Variants in GHR observed in about 807,000 individuals in gnomAD.
The protein encoded by GHR is GH receptor.
GHR carries 35 observed loss-of-function variants against 67.1 expected under a neutral mutation model. The observed-to-expected ratio is 0.52, with a 90% confidence interval of 0.40 to 0.69. GHR has a LOEUF of 0.69. GHR is among the 30% of genes least tolerant of loss of function. GHR has a pLI of 0.00. For missense variants in GHR, 792 were observed against 764.6 expected (o/e 1.04, Z -0.42); for synonymous variants, 272 against 269.1 (o/e 1.01, Z -0.10).
intron 1 of GHR, among the ~76,000 whole-genome samples, chr5:42,476,367 G>A (rs537192526): frequency 9.3e-5 from 14 of 149,790 alleles, no homozygotes; most frequent in Non-Finnish European, 1.2e-4. Flanking sequence ...TTACAGGCAC[G>A]CGCCACCATG....
At chr5:42,617,455 C>T (rs1428857187) in intron 2 of GHR, among the ~76,000 whole-genome samples, 3 of 151,696 alleles carry the variant, frequency 2.0e-5, no homozygotes, top group South Asian at 4.2e-4. Flanking sequence ...AAACTTGAAG[C>T]CCTGGATCTT....
At chr5:42,500,723 C>T (rs1273797909) in intron 1 of GHR, among the ~76,000 whole-genome samples, 1 of 152,164 alleles carries the variant, frequency 6.6e-6, no homozygotes, top group African/African-American at 2.4e-5. Context: ...GCATCACTTA[C>T]TAGCTGGCCT....
chr5:42,426,564 ATG>A (rs1214458689), intron 1 of GHR, among the ~76,000 whole-genome samples: 1 of 152,198 alleles, frequency 6.6e-6, no homozygotes, highest in African/African-American at 2.4e-5. Flanking sequence ...TAATGTGTTT[ATG>A]TGTGTCCATA....
At chr5:42,548,569 G>C (rs1748849193) in intron 1 of GHR, 1 of 860,276 alleles carries the variant, frequency 1.2e-6, no homozygotes, top group Non-Finnish European at 1.4e-6. Context: ...TTGATTAAAA[G>C]GCTGATAGTC....
intron 3 of GHR, among the ~76,000 whole-genome samples, chr5:42,636,101 T>A (rs1207705668): frequency 6.6e-6 from 1 of 150,586 alleles, no homozygotes; most frequent in East Asian, 2.0e-4. Context: ...TCCCAGCTAC[T>A]TGGGAGGCTG....
intron 1 of GHR, among the ~76,000 whole-genome samples, chr5:42,492,265 T>C (rs140171173): frequency 1.5e-4 from 23 of 152,194 alleles, no homozygotes; most frequent in Non-Finnish European, 3.2e-4. Flanking sequence ...GTGGATAATA[T>C]TGGGAAAAAA....
At position 42,720,393 on chromosome 5, in the gene GHR, A is replaced by G. The variant is rs1486407660; in HGVS notation, c.*969A>G. On this transcript the variant is annotated 3_prime_UTR_variant, in exon 10 of 10. Coordinates refer to ENST00000230882, the MANE Select transcript of GHR (RefSeq NM_000163.5). ...AATCATAGCTGGTTCACACTGACCA[A>G]GATACTTAAGTGCTGCAATTGCACG... 1 of 152,218 alleles carries G rather than the reference A, an allele frequency of 6.6e-6. No homozygotes were observed. Among genetic ancestry groups the G allele is most frequent in the Non-Finnish European group, 1.5e-5 (1 of 68,032 alleles). The allele number at this position is 152,218 out of a possible 1,614,324, so 9.4% of individuals were successfully genotyped here.
At chr5:42,548,065 G>A in intron 1 of GHR, 55 of 984,988 alleles carry the variant, frequency 5.6e-5, no homozygotes, top group Non-Finnish European at 6.3e-5. Flanking sequence ...TGATTTGGCT[G>A]CCTCCATTGT....
chr5:42,668,375 C>G (rs932162416), intron 3 of GHR, among the ~76,000 whole-genome samples: 2 of 152,084 alleles, frequency 1.3e-5, no homozygotes, highest in Admixed American at 6.6e-5. Flanking sequence ...TTTGTTGTGG[C>G]TGTCATCCTG....
chr5:42,534,472 A>G (rs372808868), intron 1 of GHR, among the ~76,000 whole-genome samples: 68 of 133,734 alleles, frequency 5.1e-4, no homozygotes, highest in African/African-American at 9.4e-4. Flanking sequence ...ATATGTACAT[A>G]TGTATATGTG....
At chr5:42,627,117 T>A (rs191881691) in intron 2 of GHR, among the ~76,000 whole-genome samples, 2 of 152,318 alleles carry the variant, frequency 1.3e-5, no homozygotes, top group African/African-American at 4.8e-5. Context: ...AAAGTTCTGT[T>A]TCTCTCATGT....
At chr5:42,599,610 G>A (rs557395973) in intron 2 of GHR, among the ~76,000 whole-genome samples, 168 of 151,122 alleles carry the variant, frequency 1.1e-3, no homozygotes, top group Admixed American at 2.4e-3. Flanking sequence ...CCACCCCCCC[G>A]CCTCTTGGCC....
intron 1 of GHR, among the ~76,000 whole-genome samples, chr5:42,449,228 TG>T (rs1216085041): frequency 6.6e-6 from 1 of 152,230 alleles, no homozygotes; most frequent in Non-Finnish European, 1.5e-5. Context: ...TTTGGCAGTA[TG>T]TTCATTTTCA....
chr5:42,644,516 TTTGTA>T, intron 3 of GHR, among the ~76,000 whole-genome samples: 1 of 152,116 alleles, frequency 6.6e-6, no homozygotes, highest in East Asian at 1.9e-4. Context: ...GTGAATCTAG[TTTGTA>T]TCCTGATCAA....
At chr5:42,474,033 C>A (rs1238979622) in intron 1 of GHR, among the ~76,000 whole-genome samples, 1 of 151,368 alleles carries the variant, frequency 6.6e-6, no homozygotes, top group Non-Finnish European at 1.5e-5. Flanking sequence ...ACTAAAAACA[C>A]AAAAAATTAA....
chr5:42,580,793 A>C (rs1286922570), intron 2 of GHR, among the ~76,000 whole-genome samples: 1 of 152,238 alleles, frequency 6.6e-6, no homozygotes, highest in Non-Finnish European at 1.5e-5. Context: ...TGTTTGAAAC[A>C]TGACAAAATA....
chr5:42,660,013 A>C (rs1007807210), intron 3 of GHR, among the ~76,000 whole-genome samples: 67 of 152,182 alleles, frequency 4.4e-4, no homozygotes, highest in African/African-American at 1.6e-3. Flanking sequence ...TTGCTAGCAC[A>C]GCAGTCTGAG....
intron 3 of GHR, among the ~76,000 whole-genome samples, chr5:42,651,053 C>T (rs990383504): frequency 3.3e-5 from 5 of 152,020 alleles, no homozygotes; most frequent in Non-Finnish European, 7.4e-5. Context: ...ATGTCTTCAT[C>T]CTAGAAAAAA....
At chr5:42,425,827 T>C (rs1172527657) in intron 1 of GHR, among the ~76,000 whole-genome samples, 1 of 152,220 alleles carries the variant, frequency 6.6e-6, no homozygotes, top group Non-Finnish European at 1.5e-5. Flanking sequence ...CTTTTTTTTA[T>C]TGGAGTAAAT....
Sources: allele counts gnomAD v4.1 joint callset (sites outside exome capture counted in the v4.1 genomes callset), GRCh38; gene constraint gnomAD v4.1.1; transcripts MANE v1.5; gene names NCBI Gene and HGNC (gene_info 2026-07-23, HGNC 2026-07-21).